The following SERINC2 variants were observed in gnomAD, a reference collection of about 807,000 sequenced individuals.
SERINC2 encodes the protein tumor differentially expressed protein 2.
A neutral mutation model predicts 54.2 loss-of-function variants in SERINC2; 56 were observed. That is an observed-to-expected ratio of 1.03 (90% CI 0.83 to 1.29). SERINC2 has a LOEUF of 1.29. Among genes scored for constraint, SERINC2 ranks in the 50% most tolerant of loss-of-function variants. The probability of loss-of-function intolerance (pLI) is 0.00; values close to 1 mark genes in which losing one functional copy is unlikely to be tolerated. For missense variants in SERINC2, 614 were observed against 607.4 expected, an observed-to-expected ratio of 1.01 and a Z score of -0.12; for synonymous variants, 272 against 253.1, an observed-to-expected ratio of 1.07 and a Z score of -0.71.
intron 7 of SERINC2, 26 bp from the exon 8 acceptor site, chr1:31,429,371 G>A: frequency 1.3e-6 from 2 of 1,597,710 alleles, no homozygotes; most frequent in Non-Finnish European, 1.7e-6. Context: ...TGCATGGGCT[G>A]AGGGTGATTG....
At position 31,424,772 on chromosome 1, in the gene SERINC2, C is replaced by CT. The variant is rs1557493556; in HGVS notation, c.292dup (p.Tyr98LeufsTer39). On this transcript the variant is annotated frameshift_variant, in exon 3 of 10. Coordinates refer to ENST00000373709, the MANE Select transcript of SERINC2 (RefSeq NM_178865.5). LOFTEE classifies it high-confidence loss of function. ...GCTCCCTGCTTGGCTACCGCGCTGT[C>CT]TACCGCATGTGCTTCGCCACGGCGG... The CT allele has an allele frequency of 6.2e-7, 1 of 1,612,398 alleles. No homozygotes were observed. Among genetic ancestry groups the CT allele is most frequent in the East Asian group, 2.2e-5 (1 of 44,826 alleles).
intron 1 of SERINC2, among the ~76,000 whole-genome samples, chr1:31,418,489 C>T (rs1368738369): frequency 1.3e-5 from 2 of 152,098 alleles, no homozygotes; most frequent in Non-Finnish European, 2.9e-5. Flanking sequence ...GAGTCTGCTG[C>T]CTCAACCTCC....
intron 1 of SERINC2, chr1:31,414,246 C>G (rs978667241): frequency 3.0e-6 from 4 of 1,341,196 alleles, no homozygotes; most frequent in Admixed American, 3.8e-5. Context: ...CTGGGAGGCC[C>G]GTTCTCCCTT....
chr1:31,416,731 A>AT (rs1557488812), intron 1 of SERINC2, among the ~76,000 whole-genome samples: 1 of 151,346 alleles, frequency 6.6e-6, no homozygotes, highest in Admixed American at 6.6e-5. Flanking sequence ...ATTTTACTTT[A>AT]TTTTTTTGAG....
chr1:31,432,358 C>A (rs1288054789), intron 8 of SERINC2, among the ~76,000 whole-genome samples: 1 of 150,098 alleles, frequency 6.7e-6, no homozygotes, highest in African/African-American at 2.5e-5. Context: ...ATGTCTCAAA[C>A]TATCAAATTC....
chr1:31,423,175 C>T (rs1009985580), intron 1 of SERINC2, among the ~76,000 whole-genome samples: 1 of 152,302 alleles, frequency 6.6e-6, no homozygotes, highest in East Asian at 1.9e-4. Flanking sequence ...CATAAAGCCT[C>T]GCTGATGGCA....
At chr1:31,432,066 C>CAGGGTGGTT (rs1641273373) in intron 8 of SERINC2, among the ~76,000 whole-genome samples, 1 of 15,770 alleles carries the variant, frequency 6.3e-5, no homozygotes, top group Non-Finnish European at 1.2e-4. Context: ...ACAGGGTGGA[C>CAGGGTGGTT]AGGGTGGACA....
upstream of SERINC2, chr1:31,410,124 T>A (rs2148507277): frequency 7.2e-7 from 1 of 1,388,996 alleles, no homozygotes; most frequent in South Asian, 1.6e-5. Flanking sequence ...AGAAGCTGAA[T>A]CCTGAATTCC....
intron 4 of SERINC2, 56 bp downstream of exon 4, chr1:31,425,465 G>A (rs1383042655): frequency 7.6e-6 from 10 of 1,310,490 alleles, no homozygotes; most frequent in Admixed American, 1.7e-5. Context: ...TGGGGCGGCA[G>A]GTTGGAGGAA....
intron 8 of SERINC2, among the ~76,000 whole-genome samples, chr1:31,432,592 G>A (rs969636698): frequency 1.5e-4 from 23 of 152,106 alleles, no homozygotes; most frequent in African/African-American, 3.6e-4. Flanking sequence ...TACTCGATAC[G>A]TGTTTATGGA....
intron 5 of SERINC2, 126 bp downstream of exon 5, chr1:31,426,039 G>T: frequency 9.9e-7 from 1 of 1,005,138 alleles, no homozygotes; most frequent in Non-Finnish European, 1.4e-6. Context: ...ACTGCCTTAG[G>T]TCAAGATTCC....
chr1:31,425,906 G>C lies in SERINC2; in HGVS notation c.603G>C (p.Trp201Cys), dbSNP rs1553133531. The change falls in exon 5 of 10, where the codon TGG becomes TGC. Residue 201 changes from tryptophan (W) to cysteine (C), a missense_variant. Trp to Cys is a radical substitution (Grantham distance 215). Transcript: ENST00000373709. Reference sequence around the variant, plus strand: ...CCGAGGAGTGCGATTCCCGTGCCTGGTACGCAGGTCAGTGCTGCCACCCTG... The same window carrying C: ...CCGAGGAGTGCGATTCCCGTGCCTGCTACGCAGGTCAGTGCTGCCACCCTG... ...GKAEECDSRA[W>C]YAGLFFFTLL... The C allele has an allele frequency of 6.2e-7, 1 of 1,611,508 alleles. No homozygotes were observed. The highest frequency in any genetic ancestry group is 1.1e-5 in the South Asian group (1 of 91,014).
rs782475245 is a variant in SERINC2, at chr1:31,424,848, G to C, written c.367G>C (p.Asp123His). The C allele has an allele frequency of 6.2e-7, 1 of 1,611,678 alleles. No homozygotes were observed. Among genetic ancestry groups the C allele is most frequent in the African/African-American group, 1.3e-5 (1 of 74,908 alleles). ...CATGCTCTGCGTGAGCAGCAGCCGG[G>C]ACCCCCGGGCTGCCATCCAGAATGG... ...LLMLCVSSSR[D>H]PRAAIQNGFW... The change falls in exon 3 of 10, where the codon GAC (aspartate) becomes CAC (histidine). Residue 123 changes from aspartate to histidine, a missense_variant. Asp to His is a moderately conservative substitution (Grantham distance 81, BLOSUM62 -1). Coordinates refer to ENST00000373709, the MANE Select transcript of SERINC2 (RefSeq NM_178865.5).
intron 4 of SERINC2, 22 bp downstream of exon 4, chr1:31,425,431 CATGGGGGG>C: frequency 6.4e-7 from 1 of 1,558,154 alleles, no homozygotes; most frequent in Non-Finnish European, 8.9e-7. Flanking sequence ...TGGCAGGAGG[CATGGGGGG>C]CTGTGGGGAG....
chr1:31,428,980 C>CA lies in SERINC2; in HGVS notation c.783_784insA (p.Ala262SerfsTer30). 1.2e-6 allele frequency: 2 copies of CA among 1,613,606 alleles called. No individual in the cohort carries two copies. The highest frequency in any genetic ancestry group is 1.7e-6 in the Non-Finnish European group (2 of 1,179,732). ...CTTACCAGGGGTCCTCTTGCCAGGA[C>CA]GCCCAGCCCAACTCGGGTCTGCTGC... On this transcript the variant is annotated frameshift_variant, in exon 7 of 10. Coordinates refer to ENST00000373709, the MANE Select transcript of SERINC2 (RefSeq NM_178865.5). LOFTEE classifies it high-confidence loss of function.
rs1641013556 is a variant in SERINC2 at position 31,425,421 on chromosome 1, T to C, written c.472+12T>C. ...CTCCTTCACCAACAGTAGGCGGACTTGGCAGGAGGCATGGGGGGCTGTGGG... is the reference window on the plus strand; with the variant it reads ...CTCCTTCACCAACAGTAGGCGGACTCGGCAGGAGGCATGGGGGGCTGTGGG... On this transcript the variant is annotated intron_variant, in intron 4 of 9. Transcript: ENST00000373709. 1.3e-6 allele frequency: 2 copies of C among 1,589,596 alleles called. No homozygotes were observed. The highest frequency in any genetic ancestry group is 2.7e-5 in the African/African-American group (2 of 74,592).
chr1:31,432,066 C>CAGGGTGGTG (rs1641273373), intron 8 of SERINC2, among the ~76,000 whole-genome samples: 1 of 15,776 alleles, frequency 6.3e-5, no homozygotes, highest in Non-Finnish European at 1.2e-4. Context: ...ACAGGGTGGA[C>CAGGGTGGTG]AGGGTGGACA....
intron 8 of SERINC2, among the ~76,000 whole-genome samples, chr1:31,432,165 T>TGGAGAGGGTGGAC (rs1641304219): frequency 5.1e-5 from 1 of 19,686 alleles, no homozygotes; most frequent in Non-Finnish European, 1.3e-4. Flanking sequence ...ACAGGGTGGA[T>TGGAGAGGGTGGAC]AGGGTGGATA....
rs1392409226 is a variant in SERINC2 at position 31,434,164 on chromosome 1, G to A, written c.1333G>A (p.Ala445Thr). 2.5e-6 allele frequency: 4 copies of A among 1,613,690 alleles called. No individual in the cohort carries two copies. Among genetic ancestry groups the A allele is most frequent in the Non-Finnish European group, 3.4e-6 (4 of 1,179,962 alleles). The change falls in exon 10 of 10, where the codon GCC (alanine) becomes ACC (threonine). Residue 445 changes from alanine to threonine, a missense_variant. Ala to Thr is a moderately conservative substitution (Grantham distance 58, BLOSUM62 0). Transcript: ENST00000373709. ...GLLLYLWTLV[A>T]PLLLRNRDFS ...GCTCCTCTACCTGTGGACCCTGGTAGCCCCACTCCTCCTGCGCAACCGCGA... is the reference window on the plus strand; with the variant it reads ...GCTCCTCTACCTGTGGACCCTGGTAACCCCACTCCTCCTGCGCAACCGCGA...
Sources: gnomAD v4.1 joint callset for allele counts (sites outside exome capture counted in the v4.1 genomes callset) on GRCh38, gnomAD v4.1.1 for gene constraint, MANE v1.5 for transcripts, NCBI Gene and HGNC (gene_info 2026-07-23, HGNC 2026-07-21) for gene names.